GRIN2A: variants seen among roughly 807,000 people sequenced by gnomAD.
The protein encoded by GRIN2A is glutamate receptor ionotropic, NMDA 2A.
GRIN2A carries 22 observed loss-of-function variants against 113.4 expected under a neutral mutation model. The ratio of observed to expected loss-of-function variants is 0.19; its 90% CI spans 0.14 to 0.28. The LOEUF (loss-of-function observed/expected upper bound fraction) is 0.28. Ranked by LOEUF, GRIN2A falls within the 10% of genes least tolerant of loss-of-function variation. The probability of loss-of-function intolerance (pLI) is 1.00; values close to 1 mark genes in which losing one functional copy is unlikely to be tolerated. For missense variants in GRIN2A, 1,502 were observed against 1,887.0 expected, an observed-to-expected ratio of 0.80 and a Z score of 3.78; for synonymous variants, 827 against 738.4, an observed-to-expected ratio of 1.12 and a Z score of -1.94.
chr16:9,946,863 G>C (rs758541153), intron 2 of GRIN2A, among the ~76,000 whole-genome samples: 2 of 152,158 alleles, frequency 1.3e-5, no homozygotes, highest in Non-Finnish European at 2.9e-5. Context: ...CTGTAAGATC[G>C]AGAGTTACCA....
At chr16:10,017,307 G>C (rs905035936) in intron 2 of GRIN2A, among the ~76,000 whole-genome samples, 1 of 152,018 alleles carries the variant, frequency 6.6e-6, no homozygotes, top group African/African-American at 2.4e-5. Context: ...ACGTTGTTAA[G>C]TGCTACAATG....
At chr16:9,866,798 C>A (rs987160163) in intron 4 of GRIN2A, among the ~76,000 whole-genome samples, 4 of 152,136 alleles carry the variant, frequency 2.6e-5, no homozygotes, top group Non-Finnish European at 5.9e-5. Context: ...ACTGTAGCCA[C>A]CCATTCCTAT....
intron 2 of GRIN2A, among the ~76,000 whole-genome samples, chr16:10,179,255 G>T (rs2050211171): frequency 6.6e-6 from 1 of 152,174 alleles, no homozygotes; most frequent in Non-Finnish European, 1.5e-5. Context: ...TTGTTCAGGA[G>T]CCAACTCCTT....
chr16:10,024,337 C>T (rs975181641), intron 2 of GRIN2A, among the ~76,000 whole-genome samples: 1 of 152,228 alleles, frequency 6.6e-6, no homozygotes, highest in Non-Finnish European at 1.5e-5. Flanking sequence ...ATTCTTCTGC[C>T]TCAGCCTCCT....
chr16:9,856,143 T>C (rs974551893), intron 4 of GRIN2A, among the ~76,000 whole-genome samples: 1 of 152,170 alleles, frequency 6.6e-6, no homozygotes, highest in African/African-American at 2.4e-5. Flanking sequence ...ATAACTATAA[T>C]TATCCTCATT....
At chr16:9,797,605 C>T (rs891933225) in intron 11 of GRIN2A, among the ~76,000 whole-genome samples, 1 of 152,182 alleles carries the variant, frequency 6.6e-6, no homozygotes, top group African/African-American at 2.4e-5. Flanking sequence ...CATGACTCCA[C>T]CGTGAGTCAT....
intron 4 of GRIN2A, among the ~76,000 whole-genome samples, chr16:9,869,739 T>C (rs2043222909): frequency 3.3e-5 from 5 of 152,250 alleles, no homozygotes; most frequent in Admixed American, 3.3e-4. Flanking sequence ...AAGGCACTTA[T>C]TGAACTATCT....
chr16:9,848,656 A>C (rs543461426), intron 5 of GRIN2A, among the ~76,000 whole-genome samples: 3 of 146,150 alleles, frequency 2.1e-5, no homozygotes, highest in East Asian at 3.9e-4. Flanking sequence ...TTATATATTT[A>C]ATACATAAAA....
rs2142388308 is a variant in GRIN2A, at chr16:10,180,087, C to T, written c.325G>A (p.Val109Ile). The T allele has an allele frequency of 6.2e-7, 1 of 1,614,190 alleles. No homozygotes were observed. The change falls in exon 2 of 13, where the codon GTA (valine) becomes ATA (isoleucine). Residue 109 changes from valine to isoleucine, a missense_variant. Around this residue, in one of 7 missense-constraint regions of GRIN2A, gnomAD observed 149 missense variants for 179.1 expected, o/e 0.83. Transcript: ENST00000330684. The surrounding 1 kb of genome is among the most constrained non-coding windows in gnomAD (Gnocchi z 7.0). ...GAGATAAAATCCAGCATCTGGGCTA[C>T]GGCCTCCTGGTCCGTGTCGTCCCCA... ...VFGDDTDQEA[V>I]AQMLDFISSH...
chr16:10,177,021 A>C (rs1311816972), intron 2 of GRIN2A, among the ~76,000 whole-genome samples: 2 of 152,332 alleles, frequency 1.3e-5, no homozygotes, highest in Middle Eastern at 3.4e-3. Flanking sequence ...TCATTTTAAC[A>C]GGAGGCAGAG....
At chr16:9,840,481 C>T (rs957761715) in intron 7 of GRIN2A, among the ~76,000 whole-genome samples, 166 bp downstream of exon 7, 2 of 152,116 alleles carry the variant, frequency 1.3e-5, no homozygotes, top group African/African-American at 4.8e-5. Context: ...GGTGGGGACC[C>T]AAAGCCTAAC....
At chr16:9,842,454 C>A (rs765114187) in intron 5 of GRIN2A, among the ~76,000 whole-genome samples, 1 of 152,062 alleles carries the variant, frequency 6.6e-6, no homozygotes, top group Non-Finnish European at 1.5e-5. Flanking sequence ...CCATTTTTGG[C>A]AAATCCACAC....
chr16:10,175,317 C>T (rs190439649), intron 2 of GRIN2A, among the ~76,000 whole-genome samples: 64 of 152,266 alleles, frequency 4.2e-4, no homozygotes, highest in African/African-American at 1.3e-3. Context: ...AAGAAAGAAT[C>T]CAACAGATAG....
chr16:9,924,204 C>T (rs2141590328), intron 3 of GRIN2A, among the ~76,000 whole-genome samples: 1 of 150,304 alleles, frequency 6.7e-6, no homozygotes, highest in Non-Finnish European at 1.5e-5. Flanking sequence ...TTGTGATGAT[C>T]CATATTCTGT....
At chr16:9,921,362 G>A (rs1045909353) in intron 3 of GRIN2A, among the ~76,000 whole-genome samples, 2 of 152,140 alleles carry the variant, frequency 1.3e-5, no homozygotes, top group African/African-American at 4.8e-5. Context: ...GACGTCCTCG[G>A]ACCGCATGAA....
chr16:9,919,890 T>C (rs1414598820), intron 3 of GRIN2A, among the ~76,000 whole-genome samples: 1 of 152,176 alleles, frequency 6.6e-6, no homozygotes, highest in Non-Finnish European at 1.5e-5. Flanking sequence ...TCCAAAACGC[T>C]CTTTCCTCAG....
intron 2 of GRIN2A, among the ~76,000 whole-genome samples, chr16:10,080,720 T>C (rs2142055046): frequency 6.6e-6 from 1 of 152,298 alleles, no homozygotes; most frequent in South Asian, 2.1e-4. Context: ...TCACCTTGTA[T>C]TGCAGATCCT....
At chr16:10,101,079 C>G (rs1460244219) in intron 2 of GRIN2A, among the ~76,000 whole-genome samples, 1 of 152,230 alleles carries the variant, frequency 6.6e-6, no homozygotes, top group Non-Finnish European at 1.5e-5. Context: ...CAGCCAGTGA[C>G]AGGGCATGAG....
At chr16:9,979,818 T>C (rs2729594) in intron 2 of GRIN2A, among the ~76,000 whole-genome samples, 11,010 of 129,960 alleles carry the variant, frequency 0.085, 804 homozygotes, top group East Asian at 0.21. Flanking sequence ...TATATGTATA[T>C]GTATGTATTT....
Sources: gnomAD v4.1 joint callset for allele counts (sites outside exome capture counted in the v4.1 genomes callset) on GRCh38, gnomAD v4.1.1 for gene constraint, gnomAD v4.1.1 regional missense constraint, Gnocchi (gnomAD v3.1) non-coding constraint, MANE v1.5 for transcripts, NCBI Gene and HGNC (gene_info 2026-07-23, HGNC 2026-07-21) for gene names.